LRMDA: variants seen among roughly 807,000 people sequenced by gnomAD.
LRMDA encodes leucine rich melanocyte differentiation associated, also known as leucine-rich melanocyte differentiation-associated protein.
In LRMDA, 18 loss-of-function variants were observed where a neutral mutation model predicts 29.8. The observed-to-expected ratio is 0.60, with a 90% CI of 0.42 to 0.90. The LOEUF is 0.90. LRMDA is among the 40% of genes least tolerant of loss of function. LRMDA has a pLI of 0.00. For missense variants in LRMDA, 273 were observed against 273.9 expected (o/e 1.00, Z 0.02); for synonymous variants, 125 against 109.4 (o/e 1.14, Z -0.89).
chr10:76,448,932 G>A (rs113854333), intron 6 of LRMDA, among the ~76,000 whole-genome samples: 1,522 of 151,954 alleles, frequency 0.01, 19 homozygotes, highest in African/African-American at 0.035. Flanking sequence ...AGTAGGTATA[G>A]CAGATGTTTA....
At chr10:76,345,509 G>T (rs1841096078) in intron 6 of LRMDA, among the ~76,000 whole-genome samples, 1 of 148,894 alleles carries the variant, frequency 6.7e-6, no homozygotes, top group Admixed American at 6.7e-5. Context: ...AAATAAAAGG[G>T]AATAAAACAA....
intron 5 of LRMDA, among the ~76,000 whole-genome samples, chr10:76,313,001 G>T (rs1376823360): frequency 6.6e-6 from 1 of 152,076 alleles, no homozygotes; most frequent in African/African-American, 2.4e-5. Flanking sequence ...CAGTGGCTAA[G>T]ATGGTTGTTT....
At chr10:76,167,483 T>TG (rs1270144349) in intron 5 of LRMDA, among the ~76,000 whole-genome samples, 2 of 152,210 alleles carry the variant, frequency 1.3e-5, no homozygotes, top group African/African-American at 4.8e-5. Context: ...GCTGGCCAGT[T>TG]ATCTCAGCAC....
chr10:75,882,057 G>A (rs79942603), intron 2 of LRMDA, among the ~76,000 whole-genome samples: 1,867 of 152,264 alleles, frequency 0.012, 22 homozygotes, highest in Middle Eastern at 0.075. Context: ...AAAGAGGAGA[G>A]GGAAGAGCAT....
At chr10:75,980,614 G>T (rs898122557) in intron 2 of LRMDA, among the ~76,000 whole-genome samples, 1 of 152,066 alleles carries the variant, frequency 6.6e-6, no homozygotes, top group East Asian at 1.9e-4. Flanking sequence ...GCAGCATGAT[G>T]CAGGGATTAG....
chr10:76,435,934 G>A (rs964158974), intron 6 of LRMDA, among the ~76,000 whole-genome samples: 1 of 152,224 alleles, frequency 6.6e-6, no homozygotes, highest in South Asian at 2.1e-4. Context: ...GATGGATTGT[G>A]AGGGTTAGGG....
chr10:76,320,441 T>C (rs1840757127), intron 5 of LRMDA, among the ~76,000 whole-genome samples: 1 of 152,166 alleles, frequency 6.6e-6, no homozygotes, highest in Admixed American at 6.5e-5. Flanking sequence ...TCACTCTCAG[T>C]AGCTCTAGAA....
At position 76,500,239 on chromosome 10, in the gene LRMDA, A is replaced by T. The variant is rs1842901105; in HGVS notation, c.602-56970A>T. On this transcript the variant is annotated intron_variant, in intron 6 of 6. Coordinates refer to ENST00000611255, the MANE Select transcript of LRMDA (RefSeq NM_001305581.2). ...AGAATATATAAAACATGTAAGACAG[A>T]ATGAATAGAAATCACCCTTATTTCA... Among the ~76,000 whole-genome samples the T allele has an allele frequency of 7.9e-5, 6 of 76,254 alleles. 3 individuals carry two copies. Among genetic ancestry groups the T allele is most frequent in the Admixed American group, 4.9e-4 (4 of 8,192 alleles). The allele number at this position is 76,254 out of a possible 152,430, so 50.0% of individuals were successfully genotyped here. A position where few individuals can be genotyped will look rare whatever the true frequency, so the allele number is the denominator to read the frequency against.
At chr10:76,357,582 T>C (rs1841257946) in intron 6 of LRMDA, among the ~76,000 whole-genome samples, 1 of 152,212 alleles carries the variant, frequency 6.6e-6, no homozygotes, top group African/African-American at 2.4e-5. Flanking sequence ...CTCTATATTG[T>C]TTGTTCTCTT....
intron 5 of LRMDA, among the ~76,000 whole-genome samples, chr10:76,243,769 A>G (rs576388863): frequency 5.4e-4 from 83 of 152,302 alleles, no homozygotes; most frequent in African/African-American, 1.6e-3. Context: ...GGAGTAAGAC[A>G]GGCCTGAGAT....
intron 6 of LRMDA, among the ~76,000 whole-genome samples, chr10:76,398,533 G>A (rs1841814367): frequency 6.6e-6 from 1 of 152,178 alleles, no homozygotes; most frequent in South Asian, 2.1e-4. Flanking sequence ...TCATACCAAA[G>A]TCCTTTATTC....
At chr10:75,542,245 G>T (rs954377149) in intron 2 of LRMDA, among the ~76,000 whole-genome samples, 2 of 152,086 alleles carry the variant, frequency 1.3e-5, no homozygotes, top group African/African-American at 4.8e-5. Context: ...GGGGGTTAGA[G>T]AGAAAGCTGC....
intron 5 of LRMDA, among the ~76,000 whole-genome samples, chr10:76,215,698 G>A (rs1182138781): frequency 6.6e-6 from 1 of 152,142 alleles, no homozygotes; most frequent in Admixed American, 6.5e-5. Flanking sequence ...TAACCACGTT[G>A]TTCTTGAAAA....
At chr10:75,661,939 CA>C (rs1841758572) in intron 2 of LRMDA, among the ~76,000 whole-genome samples, 1 of 152,082 alleles carries the variant, frequency 6.6e-6, no homozygotes, top group African/African-American at 2.4e-5. Flanking sequence ...TCCAGTATAC[CA>C]GACAAATTAC....
intron 2 of LRMDA, among the ~76,000 whole-genome samples, chr10:76,005,268 T>A (rs1277664681): frequency 1.3e-5 from 2 of 152,224 alleles, no homozygotes; most frequent in Non-Finnish European, 2.9e-5. Context: ...TGTCTTTCAA[T>A]ACATATTAAA....
intron 2 of LRMDA, among the ~76,000 whole-genome samples, chr10:75,651,268 G>A (rs1841596144): frequency 6.6e-6 from 1 of 152,178 alleles, no homozygotes; most frequent in Admixed American, 6.5e-5. Context: ...AAATCCATGA[G>A]TCCCGAAACC....
chr10:75,856,412 A>C (rs1394875657), intron 2 of LRMDA, among the ~76,000 whole-genome samples: 1 of 152,192 alleles, frequency 6.6e-6, no homozygotes. Flanking sequence ...TCCCTGATGA[A>C]CATTGATGCA....
chr10:76,277,057 A>G (rs1282257810), intron 5 of LRMDA, among the ~76,000 whole-genome samples: 1 of 152,190 alleles, frequency 6.6e-6, no homozygotes. Flanking sequence ...TTTCATATAC[A>G]GAATTAGAGT....
chr10:75,583,077 A>G (rs996061200), intron 2 of LRMDA, among the ~76,000 whole-genome samples: 1 of 152,242 alleles, frequency 6.6e-6, no homozygotes, highest in African/African-American at 2.4e-5. Flanking sequence ...ACAACAATTT[A>G]ACAAGTCTTT....
Sources: gnomAD v4.1 joint callset for allele counts (sites outside exome capture counted in the v4.1 genomes callset) on GRCh38, gnomAD v4.1.1 for gene constraint, MANE v1.5 for transcripts, NCBI Gene and HGNC (gene_info 2026-07-23, HGNC 2026-07-21) for gene names.